EIF2AK1: variants seen among roughly 807,000 people sequenced by gnomAD.
The protein encoded by EIF2AK1 is eukaryotic translation initiation factor 2 alpha kinase 1.
A neutral mutation model predicts 77.9 loss-of-function variants in EIF2AK1; 54 were observed. The ratio of observed to expected loss-of-function variants is 0.69; its 90% CI spans 0.56 to 0.87. The LOEUF (loss-of-function observed/expected upper bound fraction) is 0.87. Among genes scored for constraint, EIF2AK1 ranks in the 40% least tolerant of loss-of-function variants. The pLI, the probability that EIF2AK1 is intolerant of heterozygous loss-of-function variation, is 0.00. For missense variants in EIF2AK1, 810 were observed against 768.6 expected (o/e 1.05, Z -0.64); for synonymous variants, 314 against 290.5 (o/e 1.08, Z -0.82).
intron 1 of EIF2AK1, among the ~76,000 whole-genome samples, chr7:6,056,156 G>C (rs1788752951): frequency 6.7e-6 from 1 of 150,288 alleles, no homozygotes. Flanking sequence ...AGGTGAGCGT[G>C]GTGGTGTGCA....
chr7:6,028,915 T>TA lies in EIF2AK1; in HGVS notation c.1447+2dup. The TA allele has an allele frequency of 6.3e-7, 1 of 1,595,656 alleles. No homozygotes were observed. ...AGAAAACAAAACAAAACCAAAAACT[T>TA]ACTCTTCCCGTTTCTGTTGGTCCAG... is the stretch of plus-strand genomic sequence containing the variant. On this transcript the variant is annotated splice_region_variant and intron_variant, in intron 12 of 14. Transcript: ENST00000199389.
At chr7:6,045,612 TCGTCCAGAAC>T (rs1302120837) in intron 6 of EIF2AK1, among the ~76,000 whole-genome samples, 1 of 151,784 alleles carries the variant, frequency 6.6e-6, no homozygotes, top group Non-Finnish European at 1.5e-5. Flanking sequence ...ACTGGACAAC[TCGTCCAGAAC>T]CACACAGCAT....
chr7:6,023,603 G>C lies in EIF2AK1; in HGVS notation c.*1070C>G, dbSNP rs1787625240. ...GTACTCCAGCAGATCGGAGGCTGCA[G>C]TGTGACAGTGCCAGCCAATGTGCAG... On this transcript the variant is annotated 3_prime_UTR_variant, in exon 15 of 15. Coordinates refer to ENST00000199389, the MANE Select transcript of EIF2AK1 (RefSeq NM_014413.4). 1.9e-6 allele frequency: 3 copies of C among 1,614,230 alleles called. No homozygotes were observed. Among genetic ancestry groups the C allele is most frequent in the Non-Finnish European group, 8.5e-7 (1 of 1,180,042 alleles).
intron 14 of EIF2AK1, chr7:6,026,285 CAG>C (rs1366916918): frequency 2.6e-6 from 1 of 379,776 alleles, no homozygotes; most frequent in Non-Finnish European, 5.3e-6. Flanking sequence ...GGCAGACATA[CAG>C]ACAGCCCAGA....
chr7:6,036,336 A>G lies in EIF2AK1; in HGVS notation c.1332+1088T>C. Reference sequence around the variant, plus strand: ...GCACTTGAAGCAATTCCTCCCAGTGACAATATGGAATTCTGTCTACTGCTG... The same window carrying G: ...GCACTTGAAGCAATTCCTCCCAGTGGCAATATGGAATTCTGTCTACTGCTG... On this transcript the variant is annotated intron_variant, in intron 11 of 14. Coordinates refer to ENST00000199389, the MANE Select transcript of EIF2AK1 (RefSeq NM_014413.4). The surrounding 1 kb of genome is among the most constrained non-coding windows in gnomAD (Gnocchi z 4.6). 6.5e-7 allele frequency: 1 copy of G among 1,536,642 alleles called. No homozygotes were observed. The highest frequency in any genetic ancestry group is 8.8e-7 in the Non-Finnish European group (1 of 1,142,160).
At chr7:6,037,058 T>C (rs1297085735) in intron 11 of EIF2AK1, among the ~76,000 whole-genome samples, 1 of 151,914 alleles carries the variant, frequency 6.6e-6, no homozygotes, top group Non-Finnish European at 1.5e-5. Flanking sequence ...TAAAACTCCA[T>C]CTCTACAAAA....
chr7:6,054,661 T>C lies in EIF2AK1; in HGVS notation c.162A>G (p.Leu54=). ...CTGCAAAAGGGAAGGTTGGCTGTTG[T>C]AGGGGTTCTTTTAACACCTGGATTT... is the stretch of plus-strand genomic sequence containing the variant. ...PAEIQVLKEP[L]QQPTFPFAVA... is the part of the protein sequence containing the mutation. Residue 54 remains leucine, a synonymous_variant, in exon 2 of 15, where the codon CTA becomes CTG. Transcript: ENST00000199389. The C allele has an allele frequency of 2.5e-6, 4 of 1,614,186 alleles. No homozygotes were observed. The South Asian group carries it at 3.3e-5, about 13-fold the overall frequency.
chr7:6,023,175 T>G lies in EIF2AK1; in HGVS notation c.*1498A>C. The G allele has an allele frequency of 2.7e-6, 3 of 1,119,110 alleles. No individual in the cohort carries two copies. In the South Asian group the frequency reaches 4.9e-5, roughly 18 times the overall value. The allele number at this position is 1,119,110 out of a possible 1,614,324, so 69.3% of individuals were successfully genotyped here. The stretch of plus-strand genomic sequence containing the variant: ...TAGAGACAGACTGAAAATGTGATGT[T>G]CTTCTTGAAAACACCCTTTCCCATG... On this transcript the variant is annotated 3_prime_UTR_variant, in exon 15 of 15. Coordinates refer to ENST00000199389, the MANE Select transcript of EIF2AK1 (RefSeq NM_014413.4).
At chr7:6,052,991 ATAG>A (rs1788651699) in intron 2 of EIF2AK1, among the ~76,000 whole-genome samples, 1 of 152,116 alleles carries the variant, frequency 6.6e-6, no homozygotes, top group African/African-American at 2.4e-5. Flanking sequence ...GAGCATTATC[ATAG>A]TATAGATGCA....
rs370317332 is a variant in EIF2AK1 at position 6,049,920 on chromosome 7, C to T, written c.403G>A (p.Val135Ile). Residue 135 changes from valine to isoleucine, a missense_variant, in exon 3 of 15, where the codon GTT becomes ATT. Around this residue, in one of 3 missense-constraint regions of EIF2AK1, gnomAD observed 246 missense variants for 199.0 expected, o/e 1.24. Coordinates refer to ENST00000199389, the MANE Select transcript of EIF2AK1 (RefSeq NM_014413.4). ...THLMRSAKERVRQDPCEDISR... is the reference protein window; with the variant it reads ...THLMRSAKERIRQDPCEDISR... ...TATTTTTTAGGGCTTACCTGACGAA[C>T]TCTCTCTTTAGCAGACCTCATTAAG... 49 of 1,608,822 alleles carry T rather than the reference C, an allele frequency of 3.0e-5. No homozygotes were observed. The highest frequency in any genetic ancestry group is 3.7e-5 in the Non-Finnish European group (44 of 1,178,966).
chr7:6,029,844 G>A (rs1444902938), intron 11 of EIF2AK1, among the ~76,000 whole-genome samples: 1 of 152,070 alleles, frequency 6.6e-6, no homozygotes, highest in Non-Finnish European at 1.5e-5. Context: ...TTAGCCAGGT[G>A]TGGTGGTGCA....
In EIF2AK1 at chr7:6,024,310, A is replaced by G. The variant is rs536545205; in HGVS notation, c.*363T>C. 8 of 1,218,472 alleles carry G rather than the reference A, an allele frequency of 6.6e-6. No homozygotes were observed. In the Admixed American group the frequency reaches 1.0e-4, roughly 16 times the overall value. The allele number at this position is 1,218,472 out of a possible 1,614,324, so 75.5% of individuals were successfully genotyped here. On this transcript the variant is annotated 3_prime_UTR_variant, in exon 15 of 15. Coordinates refer to ENST00000199389, the MANE Select transcript of EIF2AK1 (RefSeq NM_014413.4). ...GCAGCTGTCAAAACTGGAACAGTCC[A>G]GTGAGTATGTGCAGGCCCGGGCTTG...
chr7:6,028,741 G>A, intron 12 of EIF2AK1, 44 bp from the exon 13 acceptor site: 1 of 1,580,946 alleles, frequency 6.3e-7, no homozygotes, highest in Non-Finnish European at 8.7e-7. Context: ...AGTTAGCGCT[G>A]TCAACATTAA....
Position 6,035,299 on chromosome 7 carries a change from C to T in EIF2AK1, c.1332+2125G>A, listed in dbSNP as rs1476574431. 4 of 821,550 alleles carry T rather than the reference C, an allele frequency of 4.9e-6. No homozygotes were observed. The African/African-American group carries it at 5.2e-5, about 11-fold the overall frequency. 50.9% of individuals were successfully genotyped at this position (821,550 alleles called of 1,614,324 possible). On this transcript the variant is annotated intron_variant, in intron 11 of 14. Transcript: ENST00000199389. This position sits in a 1 kb window ranked among gnomAD's most constrained non-coding sequence, Gnocchi z 5.5. ...ACCCTGGGATAGCCTGAGAAACTAC[C>T]CAGCGATACAGATTTTGAAACACGT...
chr7:6,041,213 T>C lies in EIF2AK1; in HGVS notation c.798A>G (p.Gln266=), dbSNP rs202214254. 3.8e-5 allele frequency: 59 copies of C among 1,561,380 alleles called. No homozygotes were observed. The highest frequency in any genetic ancestry group is 2.3e-5 in the South Asian group (2 of 85,854). ...VLSDQEEDRE[Q]CGVKNDESSS... ...TACTTTCATCATTTTTAACACCACA[T>C]TGCTCTCTGAAAAAAAAAAAAATAG... Residue 266 remains glutamine, a synonymous_variant, in exon 9 of 15, where the codon CAA becomes CAG. Transcript: ENST00000199389.
chr7:6,036,036 A>T lies in EIF2AK1; in HGVS notation c.1332+1388T>A. On this transcript the variant is annotated intron_variant, in intron 11 of 14. Transcript: ENST00000199389. The surrounding 1 kb of genome is among the most constrained non-coding windows in gnomAD (Gnocchi z 4.6). Reference sequence around the variant, plus strand: ...CAATCTCCTGCTTGAATTTGAAGCAAATGTTAACATTTTAACAAGAAACGG... The same window carrying T: ...CAATCTCCTGCTTGAATTTGAAGCATATGTTAACATTTTAACAAGAAACGG... 1.3e-6 allele frequency: 2 copies of T among 1,551,086 alleles called. No homozygotes were observed. Among genetic ancestry groups the T allele is most frequent in the South Asian group, 2.4e-5 (2 of 84,054 alleles).
At position 6,041,068 on chromosome 7, in the gene EIF2AK1, C is replaced by G; in HGVS notation, c.943G>C (p.Glu315Gln). 6.2e-7 allele frequency: 1 copy of G among 1,614,116 alleles called. No homozygotes were observed. Among genetic ancestry groups the G allele is most frequent in the Non-Finnish European group, 8.5e-7 (1 of 1,180,020 alleles). ...AGGGTCGACTCAAGTTCACCAGATT[C>G]TCTTATGACTAAATTGGTGGTGTAC... Reference protein sequence around the residue: ...VKYTTNLVIRESGELESTLEL... With the variant: ...VKYTTNLVIRQSGELESTLEL... Residue 315 changes from glutamate (E) to glutamine (Q), a missense_variant, in exon 9 of 15, where the codon GAA (glutamate) becomes CAA (glutamine). Physicochemically the swap from Glu to Gln is conservative, Grantham distance 29 (BLOSUM62 2). This residue lies in a region of EIF2AK1 where 549 missense variants were observed against 533.7 expected (regional missense o/e 1.03). Transcript: ENST00000199389.
intron 14 of EIF2AK1, among the ~76,000 whole-genome samples, chr7:6,025,031 G>C (rs113818158): frequency 6.6e-6 from 1 of 151,698 alleles, no homozygotes; most frequent in Non-Finnish European, 1.5e-5. Context: ...TAGAGATGAG[G>C]TTTCGCCATG....
At chr7:6,034,570 GTTTCAC>G (rs1788021741) in intron 11 of EIF2AK1, among the ~76,000 whole-genome samples, 6 of 152,132 alleles carry the variant, frequency 3.9e-5, no homozygotes, top group Admixed American at 2.6e-4. Context: ...TTACTGAGCT[GTTTCAC>G]TGTTTCACGT....
Sources: gnomAD v4.1 joint callset for allele counts (sites outside exome capture counted in the v4.1 genomes callset) on GRCh38, gnomAD v4.1.1 for gene constraint, gnomAD v4.1.1 regional missense constraint, Gnocchi (gnomAD v3.1) non-coding constraint, MANE v1.5 for transcripts, NCBI Gene and HGNC (gene_info 2026-07-23, HGNC 2026-07-21) for gene names.